Variants in ZFPM2 observed in about 807,000 individuals in gnomAD.
The protein encoded by ZFPM2 is zinc finger protein ZFPM2.
Under a neutral mutation model 98.6 loss-of-function variants are expected in ZFPM2, and 20 were observed. The ratio of observed to expected loss-of-function variants is 0.20; its 90% CI spans 0.14 to 0.29. The LOEUF is 0.29. Ranked by LOEUF, ZFPM2 falls within the 10% of genes least tolerant of loss-of-function variation. The pLI is 1.00. For missense variants in ZFPM2, 1,310 were observed against 1,388.6 expected (o/e 0.94, Z 0.90); for synonymous variants, 518 against 502.7 (o/e 1.03, Z -0.41).
At chr8:105,742,682 A>G (rs1243735290) in intron 5 of ZFPM2, among the ~76,000 whole-genome samples, 2 of 152,050 alleles carry the variant, frequency 1.3e-5, no homozygotes, top group African/African-American at 2.4e-5. Flanking sequence ...ACCTGAGGTT[A>G]GGAGTTCAAG....
chr8:105,666,179 C>A lies in ZFPM2; in HGVS notation c.532+31822C>A, dbSNP rs1283827301. Among the ~76,000 whole-genome samples, 4 of 152,110 alleles carry A rather than the reference C, an allele frequency of 2.6e-5. No individual in the cohort carries two copies. The East Asian group carries it at 7.7e-4, about 29-fold the overall frequency. On this transcript the variant is annotated intron_variant, in intron 5 of 7. Coordinates refer to ENST00000407775, the MANE Select transcript of ZFPM2 (RefSeq NM_012082.4). Reference sequence around the variant, plus strand: ...TGGGGGCAGGTGACTTTGTGACAAGCCATGGTTGAGACCACTGCCATCTCA... The same window carrying A: ...TGGGGGCAGGTGACTTTGTGACAAGACATGGTTGAGACCACTGCCATCTCA...
At chr8:105,506,701 A>G (rs1325001996) in intron 3 of ZFPM2, among the ~76,000 whole-genome samples, 1 of 152,204 alleles carries the variant, frequency 6.6e-6, no homozygotes, top group Non-Finnish European at 1.5e-5. Context: ...AAATAAAATC[A>G]TATACATTAA....
chr8:105,617,781 A>G (rs187645494), intron 4 of ZFPM2, among the ~76,000 whole-genome samples: 89 of 152,324 alleles, frequency 5.8e-4, no homozygotes, highest in Admixed American at 2.3e-3. Context: ...CATGAATTCT[A>G]CTTATGATTG....
intron 4 of ZFPM2, among the ~76,000 whole-genome samples, chr8:105,621,512 C>T (rs576633715): frequency 1.4e-4 from 21 of 152,224 alleles, no homozygotes; most frequent in Non-Finnish European, 2.8e-4. Flanking sequence ...ATTGAATACC[C>T]TTTATTTCTT....
At chr8:105,538,055 C>T (rs1814494970) in intron 3 of ZFPM2, among the ~76,000 whole-genome samples, 1 of 152,078 alleles carries the variant, frequency 6.6e-6, no homozygotes. Context: ...AGATGTATCA[C>T]CCCTTGCCAA....
chr8:105,371,494 C>A (rs1810621050), intron 1 of ZFPM2, among the ~76,000 whole-genome samples: 2 of 151,982 alleles, frequency 1.3e-5, no homozygotes, highest in East Asian at 3.9e-4. Context: ...GAAACCAGAT[C>A]AAAAGTTATG....
intron 3 of ZFPM2, among the ~76,000 whole-genome samples, chr8:105,500,871 A>G (rs1331523174): frequency 6.6e-6 from 1 of 152,196 alleles, no homozygotes; most frequent in African/African-American, 2.4e-5. Context: ...GTAGATGTCT[A>G]GTACCTTAAA....
chr8:105,444,986 GA>G (rs1812337816), intron 3 of ZFPM2, among the ~76,000 whole-genome samples: 1 of 151,996 alleles, frequency 6.6e-6, no homozygotes, highest in Non-Finnish European at 1.5e-5. Flanking sequence ...GAACTCTGCA[GA>G]AAAAAGGCTT....
chr8:105,680,338 G>C (rs1207963829), intron 5 of ZFPM2, among the ~76,000 whole-genome samples: 2 of 152,144 alleles, frequency 1.3e-5, no homozygotes, highest in Non-Finnish European at 2.9e-5. Flanking sequence ...AATGTAAACA[G>C]TGAAACAGAA....
intron 5 of ZFPM2, among the ~76,000 whole-genome samples, chr8:105,683,939 A>G (rs919576504): frequency 6.6e-6 from 1 of 152,144 alleles, no homozygotes; most frequent in African/African-American, 2.4e-5. Flanking sequence ...GGTGTCTGTT[A>G]AATGTTGTTG....
chr8:105,485,144 A>C (rs1391762562), intron 3 of ZFPM2, among the ~76,000 whole-genome samples: 2 of 152,206 alleles, frequency 1.3e-5, no homozygotes, highest in Non-Finnish European at 2.9e-5. Context: ...CCTCAGTTCC[A>C]GCGAGTCATG....
intron 5 of ZFPM2, among the ~76,000 whole-genome samples, chr8:105,649,480 T>C (rs111672778): frequency 0.46 from 70,142 of 151,896 alleles, 16,368 homozygotes; most frequent in African/African-American, 0.52. Context: ...GAAATGCTTC[T>C]AGTTTTGGCC....
intron 5 of ZFPM2, among the ~76,000 whole-genome samples, chr8:105,729,566 T>A (rs1208566057): frequency 6.6e-6 from 1 of 151,796 alleles, no homozygotes; most frequent in African/African-American, 2.4e-5. Context: ...TAATTGTCTG[T>A]ACTTTAACAA....
intron 1 of ZFPM2, chr8:105,414,989 G>A (rs1411397168): frequency 6.6e-6 from 1 of 151,696 alleles, no homozygotes; most frequent in Non-Finnish European, 1.5e-5. Flanking sequence ...ACATTGGGCT[G>A]TCCATCAGCA....
At chr8:105,380,705 A>ATATATATATTATATATAACATATATAT (rs1554599633) in intron 1 of ZFPM2, among the ~76,000 whole-genome samples, 1,829 of 15,926 alleles carry the variant, frequency 0.11, 294 homozygotes, top group Non-Finnish European at 0.14. Context: ...AACATATATA[A>ATATATATATTATATATAACATATATAT]TATATATATA....
At chr8:105,655,259 T>C (rs1450814586) in intron 5 of ZFPM2, among the ~76,000 whole-genome samples, 1 of 148,496 alleles carries the variant, frequency 6.7e-6, no homozygotes, top group Non-Finnish European at 1.5e-5. Context: ...GAGACAGAGT[T>C]TCGCTCATGG....
chr8:105,571,383 T>C (rs1208817689), intron 4 of ZFPM2, among the ~76,000 whole-genome samples: 2 of 152,228 alleles, frequency 1.3e-5, no homozygotes, highest in Non-Finnish European at 2.9e-5. Flanking sequence ...AGCATAACTA[T>C]TGTTTTTGTA....
intron 3 of ZFPM2, among the ~76,000 whole-genome samples, chr8:105,481,758 C>A (rs1316722907): frequency 1.3e-5 from 2 of 152,112 alleles, no homozygotes; most frequent in Non-Finnish European, 2.9e-5. Context: ...AAGAACCAGA[C>A]AGCAACCCCT....
At chr8:105,699,078 T>A (rs1174887400) in intron 5 of ZFPM2, among the ~76,000 whole-genome samples, 1 of 152,182 alleles carries the variant, frequency 6.6e-6, no homozygotes, top group Non-Finnish European at 1.5e-5. Flanking sequence ...AATGTCAGAC[T>A]TAAGCAATAT....
Sources: gnomAD v4.1 joint callset for allele counts (sites outside exome capture counted in the v4.1 genomes callset) on GRCh38, gnomAD v4.1.1 for gene constraint, MANE v1.5 for transcripts, NCBI Gene and HGNC (gene_info 2026-07-23, HGNC 2026-07-21) for gene names.